Variants in ATP2B2 observed in about 807,000 individuals in gnomAD.
The protein encoded by ATP2B2 is plasma membrane calcium-transporting ATPase 2.
ATP2B2 carries 15 observed loss-of-function variants against 120.0 expected under a neutral mutation model. That is an observed-to-expected ratio of 0.12 (90% CI 0.08 to 0.19). The LOEUF is 0.19. Ranked by LOEUF, ATP2B2 falls within the 10% of genes least tolerant of loss-of-function variation. ATP2B2 has a pLI of 1.00. For synonymous variants in ATP2B2, 694 were observed against 700.3 expected (o/e 0.99, Z 0.14); for missense variants, 1,045 against 1,719.8 (o/e 0.61, Z 6.94).
chr3:10,686,799 A>G (rs1261458077), intron 1 of ATP2B2, among the ~76,000 whole-genome samples: 1 of 152,184 alleles, frequency 6.6e-6, no homozygotes, highest in African/African-American at 2.4e-5. Context: ...TAAGCCCTAT[A>G]CCTTTTAAGA....
In ATP2B2 at chr3:10,346,526, C is replaced by T. The variant is rs1351746143; in HGVS notation, c.2405-389G>A. Among the ~76,000 whole-genome samples the T allele has an allele frequency of 6.6e-6, 1 of 152,238 alleles. No homozygotes were observed. Among genetic ancestry groups the T allele is most frequent in the Non-Finnish European group, 1.5e-5 (1 of 68,030 alleles). On this transcript the variant is annotated intron_variant, in intron 16 of 22. Transcript: ENST00000360273. The surrounding 1 kb of genome is among the most constrained non-coding windows in gnomAD (Gnocchi z 4.1). ...CAGCAGGACCTCACCATCTGTTCCT[C>T]CCGACACCACTAGCCAGCACTTTCT...
At chr3:10,417,746 C>A (rs1227983809) in intron 2 of ATP2B2, among the ~76,000 whole-genome samples, 1 of 152,028 alleles carries the variant, frequency 6.6e-6, no homozygotes, top group Non-Finnish European at 1.5e-5. Context: ...GATCGCCTGG[C>A]AGAAGTGTAG....
intron 14 of ATP2B2, among the ~76,000 whole-genome samples, chr3:10,352,665 G>A (rs951039181): frequency 2.0e-5 from 3 of 152,200 alleles, no homozygotes; most frequent in Admixed American, 1.3e-4. Context: ...GTGCCACAGC[G>A]GCTAATCACA....
intron 12 of ATP2B2, among the ~76,000 whole-genome samples, chr3:10,368,640 C>T (rs2061136208): frequency 1.3e-5 from 2 of 151,836 alleles, no homozygotes; most frequent in Admixed American, 6.6e-5. Flanking sequence ...TCACATCCAC[C>T]CATCCATCCA....
At chr3:10,607,336 A>T (rs1559483595) in intron 2 of ATP2B2, among the ~76,000 whole-genome samples, 2 of 152,192 alleles carry the variant, frequency 1.3e-5, no homozygotes, top group Non-Finnish European at 2.9e-5. Context: ...TCCCCCACAA[A>T]GCTGGGCACT....
At chr3:10,623,368 T>G (rs2069605242) in intron 1 of ATP2B2, among the ~76,000 whole-genome samples, 1 of 152,164 alleles carries the variant, frequency 6.6e-6, no homozygotes, top group Non-Finnish European at 1.5e-5. Context: ...GGTGACTGAG[T>G]TCTTGATCAA....
intron 1 of ATP2B2, among the ~76,000 whole-genome samples, chr3:10,486,081 C>T (rs535435419): frequency 1.9e-3 from 288 of 152,302 alleles, no homozygotes; most frequent in Non-Finnish European, 3.2e-3. Context: ...CAGCCAGTGG[C>T]CAGGTCAGCA....
intron 1 of ATP2B2, among the ~76,000 whole-genome samples, chr3:10,651,296 C>T (rs1438938687): frequency 6.6e-6 from 1 of 152,064 alleles, no homozygotes; most frequent in Non-Finnish European, 1.5e-5. Flanking sequence ...AATTTCATAT[C>T]AAATTTCCAT....
intron 3 of ATP2B2, among the ~76,000 whole-genome samples, chr3:10,530,466 C>T (rs532958775): frequency 6.6e-6 from 1 of 152,328 alleles, no homozygotes; most frequent in Non-Finnish European, 1.5e-5. Flanking sequence ...CCAAGTGAGG[C>T]CTAGTGCGAC....
Position 10,358,845 on chromosome 3 carries a change from A to G in ATP2B2, c.1982T>C (p.Ile661Thr), listed in dbSNP as rs2060814219. The G allele has an allele frequency of 6.2e-7, 1 of 1,614,218 alleles. No homozygotes were observed. Among genetic ancestry groups the G allele is most frequent in the Non-Finnish European group, 8.5e-7 (1 of 1,180,036 alleles). Residue 661 changes from isoleucine (I) to threonine (T), a missense_variant, in exon 14 of 23, where the codon ATT (isoleucine) becomes ACT (threonine). By Grantham distance (89) the Ile-to-Thr change is moderately conservative. Transcript: ENST00000360273. ...RDRDEMVKKV[I>T]EPMACDGLRT... is the part of the protein sequence containing the mutation. Reference sequence around the variant, plus strand: ...GAGCCCATCGCAAGCCATGGGCTCAATCACCTTCTTTACCATCTCGTCCCG... The same window carrying G: ...GAGCCCATCGCAAGCCATGGGCTCAGTCACCTTCTTTACCATCTCGTCCCG...
At chr3:10,566,901 T>C (rs762770804) in intron 2 of ATP2B2, among the ~76,000 whole-genome samples, 3 of 152,230 alleles carry the variant, frequency 2.0e-5, no homozygotes, top group Non-Finnish European at 2.9e-5. Flanking sequence ...TAACACAAAG[T>C]CAGGTTCTGG....
intron 11 of ATP2B2, among the ~76,000 whole-genome samples, chr3:10,372,667 A>T (rs1436311930): frequency 6.6e-6 from 1 of 152,232 alleles, no homozygotes; most frequent in East Asian, 1.9e-4. Context: ...CACAAAAGGG[A>T]AAAAGAAAAC....
chr3:10,591,191 T>C (rs1005147735), intron 2 of ATP2B2, among the ~76,000 whole-genome samples: 2 of 152,122 alleles, frequency 1.3e-5, no homozygotes, highest in African/African-American at 4.8e-5. Flanking sequence ...ACAGGTCTTC[T>C]GTGAATGTGT....
chr3:10,360,350 T>G (rs2060862687), intron 12 of ATP2B2, among the ~76,000 whole-genome samples: 1 of 152,236 alleles, frequency 6.6e-6, no homozygotes. Flanking sequence ...TTAAAAAAAT[T>G]ATGAATTATT....
Position 10,373,622 on chromosome 3 carries a change from GGAT to G in ATP2B2, c.1417-1574_1417-1572del, listed in dbSNP as rs376757019. ...TCACACATTGGATTGATAATAAGTT[GGAT>G]AATAGTGTTGGATTTGACATACTGG... On this transcript the variant is annotated intron_variant, in intron 11 of 22. Transcript: ENST00000360273. Among the ~76,000 whole-genome samples the G allele has an allele frequency of 2.2e-3, 330 of 152,144 alleles. 2 individuals are homozygous for G. The highest frequency in any genetic ancestry group is 7.6e-3 in the African/African-American group (316 of 41,484).
Position 10,329,649 on chromosome 3 carries a change from C to T in ATP2B2, c.3421-524G>A, listed in dbSNP as rs948024934. On this transcript the variant is annotated intron_variant, in intron 22 of 22. Coordinates refer to ENST00000360273, the MANE Select transcript of ATP2B2 (RefSeq NM_001001331.4). This position sits in a 1 kb window ranked among gnomAD's most constrained non-coding sequence, Gnocchi z 5.9. The stretch of plus-strand genomic sequence containing the variant: ...ACAGAAAAGGCACAGAAAGGAGAGA[C>T]GGTTGGATGAGTTGGGATGAGAGAG... Among the ~76,000 whole-genome samples the T allele has an allele frequency of 2.0e-5, 3 of 152,124 alleles. No homozygotes were observed. Among genetic ancestry groups the T allele is most frequent in the Non-Finnish European group, 4.4e-5 (3 of 68,028 alleles).
intron 1 of ATP2B2, among the ~76,000 whole-genome samples, chr3:10,653,698 C>T (rs1367359701): frequency 1.3e-5 from 2 of 152,206 alleles, no homozygotes; most frequent in Admixed American, 6.5e-5. Context: ...AATCTTCACT[C>T]TATCTCCATA....
At chr3:10,458,853 G>A (rs981332135) in intron 1 of ATP2B2, among the ~76,000 whole-genome samples, 2 of 152,246 alleles carry the variant, frequency 1.3e-5, no homozygotes, top group Non-Finnish European at 2.9e-5. Flanking sequence ...TCTGTCCAAA[G>A]CCTCTGCCTT....
At chr3:10,345,214 G>A (rs2060396125) in intron 18 of ATP2B2, among the ~76,000 whole-genome samples, 170 bp downstream of exon 18, 1 of 152,232 alleles carries the variant, frequency 6.6e-6, no homozygotes, top group South Asian at 2.1e-4. Context: ...GCCAGTGCCT[G>A]CACCTGAGCT....
Sources: gnomAD v4.1 joint callset for allele counts (sites outside exome capture counted in the v4.1 genomes callset) on GRCh38, gnomAD v4.1.1 for gene constraint, Gnocchi (gnomAD v3.1) non-coding constraint, MANE v1.5 for transcripts, NCBI Gene and HGNC (gene_info 2026-07-23, HGNC 2026-07-21) for gene names.